KALRN: variants seen among roughly 807,000 people sequenced by gnomAD.
KALRN encodes kalirin RhoGEF kinase.
A neutral mutation model predicts 353.7 loss-of-function variants in KALRN; 70 were observed. The observed-to-expected ratio is 0.20, with a 90% confidence interval of 0.16 to 0.24. The LOEUF (loss-of-function observed/expected upper bound fraction) is 0.24, where lower values mean the gene tolerates loss of function less well. Ranked by LOEUF, KALRN falls within the 10% of genes least tolerant of loss-of-function variation. The pLI is 1.00. For synonymous variants in KALRN, 1,391 were observed against 1,434.8 expected (o/e 0.97, Z 0.69); for missense variants, 2,791 against 3,756.7 (o/e 0.74, Z 6.72).
intron 1 of KALRN, among the ~76,000 whole-genome samples, chr3:124,148,549 T>A (rs2149862867): frequency 6.6e-6 from 1 of 152,320 alleles, no homozygotes; most frequent in Non-Finnish European, 1.5e-5. Context: ...CAGGCAGCAT[T>A]TGGCAACATC....
At chr3:124,149,615 C>T (rs1237091289) in intron 1 of KALRN, among the ~76,000 whole-genome samples, 1 of 152,160 alleles carries the variant, frequency 6.6e-6, no homozygotes, top group Non-Finnish European at 1.5e-5. Flanking sequence ...ATGGAACTTG[C>T]CAGCCATGTC....
chr3:124,125,435 AG>A (rs2149637198), intron 1 of KALRN, among the ~76,000 whole-genome samples: 1 of 152,330 alleles, frequency 6.6e-6, no homozygotes, highest in Admixed American at 6.5e-5. Context: ...GAAGGGAAGG[AG>A]GAAGCCCAAG....
intron 1 of KALRN, among the ~76,000 whole-genome samples, chr3:124,057,927 T>A (rs1163870889): frequency 6.6e-6 from 1 of 152,186 alleles, no homozygotes; most frequent in African/African-American, 2.4e-5. Context: ...GATAAAGACA[T>A]ACCCAAGACT....
intron 1 of KALRN, among the ~76,000 whole-genome samples, chr3:124,182,717 T>C (rs913640217): frequency 1.3e-5 from 2 of 152,122 alleles, no homozygotes; most frequent in African/African-American, 4.8e-5. Flanking sequence ...ACTCAGGAGA[T>C]TGAGAGATCT....
At chr3:124,581,969 A>G (rs985922735) in intron 34 of KALRN, among the ~76,000 whole-genome samples, 2 of 151,978 alleles carry the variant, frequency 1.3e-5, no homozygotes, top group African/African-American at 4.8e-5. Context: ...CTGACCAATT[A>G]TCAGGATGGT....
In KALRN at chr3:124,430,683, T is replaced by C; in HGVS notation, c.2737T>C (p.Ser913Pro). 7 of 1,614,012 alleles carry C rather than the reference T, an allele frequency of 4.3e-6. No homozygotes were observed. The highest frequency in any genetic ancestry group is 5.9e-6 in the Non-Finnish European group (7 of 1,179,962). The change falls in exon 16 of 60, where the codon TCA (serine) becomes CCA (proline). Residue 913 changes from serine (S) to proline (P), a missense_variant. Physicochemically the swap from Ser to Pro is moderately conservative, Grantham distance 74 (BLOSUM62 -1). Around this residue, in one of 11 missense-constraint regions of KALRN, gnomAD observed 452 missense variants for 575.8 expected, o/e 0.78. Transcript: ENST00000682506. The stretch of plus-strand genomic sequence containing the variant: ...TCTGGGATGGATCCGCAATGGAGAG[T>C]CAATGCTCAACGCCAGCCTGGTCAA... ...QVLGWIRNGESMLNASLVNAS... is the reference protein window; with the variant it reads ...QVLGWIRNGEPMLNASLVNAS...
In KALRN at chr3:124,491,348, A is replaced by T; in HGVS notation, c.4613A>T (p.His1538Leu). ...ACCTCAGAGCTGGGTGTGACCGAGC[A>T]CGTGGAGGGCGATCCCTGCAAATTC... ...LLTSELGVTE[H>L]VEGDPCKFAL... The change falls in exon 31 of 60, where the codon CAC (histidine) becomes CTC (leucine). Residue 1538 changes from histidine to leucine, a missense_variant. His to Leu is a moderately conservative substitution (Grantham distance 99, BLOSUM62 -3). Coordinates refer to ENST00000682506, the MANE Select transcript of KALRN (RefSeq NM_001388419.1). 6.2e-7 allele frequency: 1 copy of T among 1,607,800 alleles called. No homozygotes were observed. Among genetic ancestry groups the T allele is most frequent in the Non-Finnish European group, 8.5e-7 (1 of 1,176,796 alleles).
At chr3:124,635,020 C>T (rs533852006) in intron 36 of KALRN, among the ~76,000 whole-genome samples, 16 of 152,264 alleles carry the variant, frequency 1.1e-4, no homozygotes, top group African/African-American at 2.9e-4. Flanking sequence ...TGTGCTAGGC[C>T]GGAAGGACAA....
At chr3:124,175,342 AG>A (rs2072524364) in intron 1 of KALRN, among the ~76,000 whole-genome samples, 1 of 151,424 alleles carries the variant, frequency 6.6e-6, no homozygotes, top group African/African-American at 2.4e-5. Context: ...CGCGCTGCCG[AG>A]GGTCCAGGCC....
chr3:124,389,931 A>T (rs2089074002), intron 11 of KALRN, among the ~76,000 whole-genome samples: 2 of 152,228 alleles, frequency 1.3e-5, no homozygotes, highest in Non-Finnish European at 2.9e-5. Context: ...AAAACTATTC[A>T]TCCCTACTTA....
chr3:124,165,078 A>C (rs770419603), intron 1 of KALRN, among the ~76,000 whole-genome samples: 2 of 152,248 alleles, frequency 1.3e-5, no homozygotes, highest in Non-Finnish European at 2.9e-5. Context: ...GAGGAGCCAG[A>C]GGTCAGGAGG....
chr3:124,404,270 A>T (rs2091248642), intron 13 of KALRN, among the ~76,000 whole-genome samples: 1 of 151,932 alleles, frequency 6.6e-6, no homozygotes, highest in Admixed American at 6.6e-5. Context: ...GTGAGCTTGT[A>T]TGAGTTATTT....
intron 54 of KALRN, 40 bp downstream of exon 54, chr3:124,696,295 T>C (rs1334496468): frequency 5.6e-6 from 9 of 1,596,990 alleles, no homozygotes; most frequent in Admixed American, 5.0e-5. Context: ...GAAATATATA[T>C]ATATTTTTAG....
At chr3:124,146,527 G>A (rs1406103905) in intron 1 of KALRN, among the ~76,000 whole-genome samples, 1 of 152,120 alleles carries the variant, frequency 6.6e-6, no homozygotes, top group South Asian at 2.1e-4. Context: ...AGACATCCTG[G>A]CAGGCTAGAG....
intron 5 of KALRN, among the ~76,000 whole-genome samples, chr3:124,281,928 C>T (rs1310384870): frequency 6.6e-6 from 1 of 152,202 alleles, no homozygotes; most frequent in African/African-American, 2.4e-5. Context: ...CCACCTACTG[C>T]TGAATGGTTT....
At chr3:124,207,908 G>A (rs935679523) in intron 1 of KALRN, among the ~76,000 whole-genome samples, 3 of 152,216 alleles carry the variant, frequency 2.0e-5, no homozygotes, top group African/African-American at 7.2e-5. Context: ...GTGGGCTCAT[G>A]TGATGCTTGA....
intron 13 of KALRN, among the ~76,000 whole-genome samples, chr3:124,404,339 A>G (rs1453865582): frequency 1.3e-5 from 2 of 152,038 alleles, no homozygotes; most frequent in South Asian, 4.2e-4. Flanking sequence ...TCAGCCCTCT[A>G]TGGTATATAT....
intron 1 of KALRN, among the ~76,000 whole-genome samples, chr3:124,132,417 T>C (rs6791726): frequency 0.095 from 14,532 of 152,228 alleles, 2,290 homozygotes; most frequent in African/African-American, 0.33. Flanking sequence ...AGAAGAAACT[T>C]AGTGAGAGGG....
At chr3:124,126,025 T>A (rs1057372460) in intron 1 of KALRN, among the ~76,000 whole-genome samples, 3 of 152,292 alleles carry the variant, frequency 2.0e-5, no homozygotes, top group South Asian at 2.1e-4. Flanking sequence ...CTACTAACAT[T>A]CTCTTCTGAC....
Sources: gnomAD v4.1 joint callset for allele counts (sites outside exome capture counted in the v4.1 genomes callset) on GRCh38, gnomAD v4.1.1 for gene constraint, gnomAD v4.1.1 regional missense constraint, MANE v1.5 for transcripts, NCBI Gene and HGNC (gene_info 2026-07-23, HGNC 2026-07-21) for gene names.